Variants in GABRG3 observed in about 807,000 individuals in gnomAD.
The protein encoded by GABRG3 is gamma-aminobutyric acid type A receptor subunit gamma3.
A neutral mutation model predicts 48.8 loss-of-function variants in GABRG3; 25 were observed. That is an observed-to-expected ratio of 0.51 (90% CI 0.37 to 0.72). The LOEUF is 0.72. GABRG3 is among the 30% of genes least tolerant of loss of function. GABRG3 has a pLI of 0.00. For missense variants in GABRG3, 394 were observed against 577.9 expected, an observed-to-expected ratio of 0.68 and a Z score of 3.26; for synonymous variants, 227 against 217.6, an observed-to-expected ratio of 1.04 and a Z score of -0.38.
At chr15:27,276,346 T>C (rs998915828) in intron 3 of GABRG3, among the ~76,000 whole-genome samples, 1 of 152,220 alleles carries the variant, frequency 6.6e-6, no homozygotes, top group African/African-American at 2.4e-5. Context: ...CCGAATATGC[T>C]GTGCCAATGG....
At chr15:27,177,099 G>A (rs1887771541) in intron 3 of GABRG3, among the ~76,000 whole-genome samples, 1 of 152,086 alleles carries the variant, frequency 6.6e-6, no homozygotes, top group African/African-American at 2.4e-5. Flanking sequence ...GATGTGCAGG[G>A]GGCTAGAGAA....
At chr15:27,118,534 CT>C (rs1003406029) in intron 3 of GABRG3, among the ~76,000 whole-genome samples, 8 of 152,206 alleles carry the variant, frequency 5.3e-5, no homozygotes, top group Admixed American at 5.2e-4. Context: ...TACTGTGCAT[CT>C]GACTCGGTTC....
chr15:27,145,713 T>C (rs1234352394), intron 3 of GABRG3, among the ~76,000 whole-genome samples: 1 of 148,302 alleles, frequency 6.7e-6, no homozygotes, highest in Non-Finnish European at 1.5e-5. Flanking sequence ...GAAAAAATAA[T>C]GACCAAAATC....
chr15:27,443,993 T>C (rs1203297154), intron 5 of GABRG3, among the ~76,000 whole-genome samples: 1 of 152,216 alleles, frequency 6.6e-6, no homozygotes, highest in African/African-American at 2.4e-5. Context: ...AATCATTTAT[T>C]GCTATCATTT....
chr15:27,354,497 C>T (rs1894772365), intron 5 of GABRG3, among the ~76,000 whole-genome samples: 2 of 152,200 alleles, frequency 1.3e-5, no homozygotes, highest in South Asian at 2.1e-4. Flanking sequence ...AGTCCAAGTC[C>T]CCGTGTGGGT....
intron 3 of GABRG3, among the ~76,000 whole-genome samples, chr15:27,316,826 G>A (rs1256205243): frequency 6.6e-6 from 1 of 151,930 alleles, no homozygotes. Flanking sequence ...ATTTTGGTGT[G>A]GTTTTTTTTT....
In GABRG3 at chr15:27,032,088, T is replaced by C. The variant is rs4468579; in HGVS notation, c.270+5267T>C. On this transcript the variant is annotated intron_variant, in intron 3 of 9. Transcript: ENST00000615808. Reference sequence around the variant, plus strand: ...CCCACTTGCTTTTATGCTTGTGCTGTTTTTTATTTCTTCCTTTGCACTCCA... The same window carrying C: ...CCCACTTGCTTTTATGCTTGTGCTGCTTTTTATTTCTTCCTTTGCACTCCA... Among the ~76,000 whole-genome samples, 18 of 152,198 alleles carry C rather than the reference T, an allele frequency of 1.2e-4. No individual in the cohort carries two copies. The East Asian group carries it at 3.5e-3, about 29-fold the overall frequency.
chr15:27,379,970 C>A (rs1895715923), intron 5 of GABRG3, among the ~76,000 whole-genome samples: 1 of 146,888 alleles, frequency 6.8e-6, no homozygotes, highest in Non-Finnish European at 1.5e-5. Context: ...TTAAATATTT[C>A]TCCTGTGTTT....
intron 5 of GABRG3, among the ~76,000 whole-genome samples, chr15:27,432,938 G>A (rs1006363618): frequency 1.3e-5 from 2 of 152,206 alleles, no homozygotes; most frequent in Admixed American, 1.3e-4. Context: ...ACAGCAAGAA[G>A]TCTTTTCCCC....
At chr15:26,998,142 T>A (rs1438748611) in intron 2 of GABRG3, among the ~76,000 whole-genome samples, 3 of 152,226 alleles carry the variant, frequency 2.0e-5, no homozygotes, top group Non-Finnish European at 1.5e-5. Flanking sequence ...GGAGAGCTTT[T>A]TGTGATTGCT....
chr15:27,151,804 A>G (rs1044515020), intron 3 of GABRG3, among the ~76,000 whole-genome samples: 1 of 152,202 alleles, frequency 6.6e-6, no homozygotes, highest in African/African-American at 2.4e-5. Flanking sequence ...ATTTTCCCCT[A>G]GCGCCTCCAG....
chr15:27,308,519 CA>C (rs1892834362), intron 3 of GABRG3, among the ~76,000 whole-genome samples: 1 of 146,594 alleles, frequency 6.8e-6, no homozygotes, highest in African/African-American at 2.5e-5. Context: ...ATAATGTAAA[CA>C]TACATGTTTA....
intron 3 of GABRG3, among the ~76,000 whole-genome samples, chr15:27,063,991 G>T (rs1390846167): frequency 2.0e-5 from 3 of 152,198 alleles, no homozygotes; most frequent in African/African-American, 7.2e-5. Context: ...TCTAGGTGCT[G>T]TCCCCAGTCA....
intron 3 of GABRG3, among the ~76,000 whole-genome samples, chr15:27,317,076 G>A (rs949135299): frequency 2.0e-5 from 3 of 152,104 alleles, no homozygotes; most frequent in East Asian, 1.9e-4. Context: ...GTTGAACTCC[G>A]GTGCCCTTTG....
At chr15:27,516,755 G>A (rs8034275) in intron 6 of GABRG3, among the ~76,000 whole-genome samples, 96,268 of 152,064 alleles carry the variant, frequency 0.63, 31,879 homozygotes, top group African/African-American at 0.84. Context: ...AAATGAATAA[G>A]TAAGTAAATA....
Position 27,332,328 on chromosome 15 carries a change from A to C in GABRG3, c.574+3440A>C, listed in dbSNP as rs539721664. Among the ~76,000 whole-genome samples, 138 of 152,330 alleles carry C rather than the reference A, an allele frequency of 9.1e-4. 1 individual carries two copies. The highest frequency in any genetic ancestry group is 4.3e-3 in the South Asian group (21 of 4,830). ...CAGGAGTTCGAGACCAGCCTGGCCA[A>C]TATGGTGAAACCCCATCTCTACTAA... is the stretch of plus-strand genomic sequence containing the variant. On this transcript the variant is annotated intron_variant, in intron 5 of 9. Transcript: ENST00000615808.
In GABRG3 at chr15:27,355,399, A is replaced by G. The variant is rs547920861; in HGVS notation, c.574+26511A>G. Among the ~76,000 whole-genome samples, 110 of 152,346 alleles carry G rather than the reference A, an allele frequency of 7.2e-4. 2 individuals are homozygous for G. In the Middle Eastern group the frequency reaches 0.017, roughly 24 times the overall value. On this transcript the variant is annotated intron_variant, in intron 5 of 9. Coordinates refer to ENST00000615808, the MANE Select transcript of GABRG3 (RefSeq NM_033223.5). ...AAAATGCCCAGCACCATAGGTCATG[A>G]GGGAAATGTAAAATCAAACCCACAT...
At position 27,089,866 on chromosome 15, in the gene GABRG3, C is replaced by T. The variant is rs555774178; in HGVS notation, c.270+63045C>T. Among the ~76,000 whole-genome samples the T allele has an allele frequency of 5.9e-5, 9 of 152,358 alleles. No individual in the cohort carries two copies. The East Asian group carries it at 7.7e-4, about 13-fold the overall frequency. ...TTCAAGGTTCATCCATGCTGCACCC[C>T]GTGTCAGTACTTCATTCCTTTTCAT... On this transcript the variant is annotated intron_variant, in intron 3 of 9. Transcript: ENST00000615808.
chr15:27,069,645 G>C (rs796422177), intron 3 of GABRG3, among the ~76,000 whole-genome samples: 4 of 152,268 alleles, frequency 2.6e-5, no homozygotes, highest in African/African-American at 7.2e-5. Context: ...TAAGAAACAG[G>C]ATTATTATTT....
Sources: gnomAD v4.1 joint callset for allele counts (sites outside exome capture counted in the v4.1 genomes callset) on GRCh38, gnomAD v4.1.1 for gene constraint, MANE v1.5 for transcripts, NCBI Gene and HGNC (gene_info 2026-07-23, HGNC 2026-07-21) for gene names.